Variants in FRMD5 observed in about 807,000 individuals in gnomAD.
FRMD5 encodes FERM domain-containing protein 5.
A neutral mutation model predicts 69.0 loss-of-function variants in FRMD5; 20 were observed. The ratio of observed to expected loss-of-function variants is 0.29; its 90% CI spans 0.20 to 0.42. The LOEUF (loss-of-function observed/expected upper bound fraction) is 0.42, where lower values mean the gene tolerates loss of function less well. Among genes scored for constraint, FRMD5 ranks in the 10% least tolerant of loss-of-function variants. The pLI is 1.00. For missense variants in FRMD5, 595 were observed against 708.6 expected, an observed-to-expected ratio of 0.84 and a Z score of 1.82; for synonymous variants, 271 against 260.1, an observed-to-expected ratio of 1.04 and a Z score of -0.40.
intron 1 of FRMD5, among the ~76,000 whole-genome samples, chr15:43,930,700 T>C (rs895842758): frequency 3.3e-5 from 5 of 152,244 alleles, no homozygotes; most frequent in African/African-American, 1.2e-4. Context: ...CAGATATCTC[T>C]AGGTTCAGAT....
intron 1 of FRMD5, among the ~76,000 whole-genome samples, chr15:43,960,230 A>G (rs1002211695): frequency 3.9e-5 from 6 of 152,038 alleles, no homozygotes; most frequent in African/African-American, 1.4e-4. Context: ...CTGGGACTAC[A>G]GGCGCCCACC....
At chr15:44,197,929 C>T (rs532268079), upstream of FRMD5, among the ~76,000 whole-genome samples, 1 of 151,830 alleles carries the variant, frequency 6.6e-6, no homozygotes, top group Admixed American at 6.6e-5. Flanking sequence ...AGTCTTTTTT[C>T]GAAGTATGGC....
intron 1 of FRMD5, among the ~76,000 whole-genome samples, chr15:43,931,338 T>C (rs979044981): frequency 1.3e-5 from 2 of 152,154 alleles, no homozygotes; most frequent in African/African-American, 4.8e-5. Flanking sequence ...ACTCATTGCT[T>C]TGTATTTGTG....
At chr15:43,989,957 C>T in intron 1 of FRMD5, 2 of 1,109,934 alleles carry the variant, frequency 1.8e-6, no homozygotes, top group Admixed American at 1.7e-5. Flanking sequence ...CAGGTGGTGA[C>T]AATGTCCTGC....
At chr15:43,939,265 G>C (rs1190504713) in intron 1 of FRMD5, among the ~76,000 whole-genome samples, 1 of 152,124 alleles carries the variant, frequency 6.6e-6, no homozygotes, top group Non-Finnish European at 1.5e-5. Flanking sequence ...CCCCAGATGG[G>C]GGAGCTGATG....
At chr15:44,159,288 G>C (rs542504023) in intron 1 of FRMD5, among the ~76,000 whole-genome samples, 4 of 152,072 alleles carry the variant, frequency 2.6e-5, no homozygotes, top group Non-Finnish European at 5.9e-5. Flanking sequence ...ACCACATAAG[G>C]TATCTGTGGA....
At chr15:44,111,593 C>T (rs2076796890) in intron 1 of FRMD5, among the ~76,000 whole-genome samples, 2 of 152,202 alleles carry the variant, frequency 1.3e-5, no homozygotes, top group Non-Finnish European at 2.9e-5. Context: ...TCATAACTTT[C>T]TCTCAACTCC....
intron 1 of FRMD5, among the ~76,000 whole-genome samples, chr15:44,140,255 A>T (rs1054329670): frequency 6.6e-6 from 1 of 152,154 alleles, no homozygotes; most frequent in Non-Finnish European, 1.5e-5. Context: ...ATTAGAAATC[A>T]ATAATAAAAA....
intron 5 of FRMD5, 134 bp from the exon 6 acceptor site, chr15:43,906,085 C>T (rs1390683852): frequency 2.5e-5 from 29 of 1,151,730 alleles, no homozygotes; most frequent in South Asian, 6.8e-5. Flanking sequence ...ATTCTGAGCA[C>T]GGCTGTGGGC....
chr15:43,924,438 T>C, intron 1 of FRMD5, 129 bp from the exon 2 acceptor site: 4 of 654,470 alleles, frequency 6.1e-6, no homozygotes, highest in Non-Finnish European at 1.1e-5. Flanking sequence ...TGTCCATAAC[T>C]ATGTCCTCCA....
chr15:43,973,054 G>A (rs571006303), intron 1 of FRMD5, among the ~76,000 whole-genome samples: 34 of 151,544 alleles, frequency 2.2e-4, no homozygotes, highest in Admixed American at 3.9e-4. Context: ...ACGGAGTCTC[G>A]CTCTGTCCTC....
At chr15:44,083,609 T>C (rs1894078769) in intron 1 of FRMD5, among the ~76,000 whole-genome samples, 1 of 152,062 alleles carries the variant, frequency 6.6e-6, no homozygotes. Flanking sequence ...TTTACTGTTA[T>C]TGATGTTAGA....
chr15:44,090,735 TG>T (rs1304874054), intron 1 of FRMD5, among the ~76,000 whole-genome samples: 1 of 152,184 alleles, frequency 6.6e-6, no homozygotes, highest in Non-Finnish European at 1.5e-5. Context: ...CCACTGTGCC[TG>T]GGCGAATAAC....
chr15:44,175,970 C>G (rs80219001), intron 1 of FRMD5, among the ~76,000 whole-genome samples: 1 of 152,194 alleles, frequency 6.6e-6, no homozygotes, highest in Admixed American at 6.5e-5. Flanking sequence ...CTGAATTGAT[C>G]AACAGATTCA....
At chr15:44,130,762 C>A (rs1332941877) in intron 1 of FRMD5, among the ~76,000 whole-genome samples, 1 of 152,054 alleles carries the variant, frequency 6.6e-6, no homozygotes, top group African/African-American at 2.4e-5. Context: ...TTCATTAGAA[C>A]TTCAAAGCAC....
intron 1 of FRMD5, among the ~76,000 whole-genome samples, chr15:43,978,674 C>T (rs1224640649): frequency 1.3e-5 from 2 of 152,130 alleles, no homozygotes; most frequent in Non-Finnish European, 2.9e-5. Context: ...GCCTCAGCCT[C>T]CCAAGTAGCT....
chr15:44,171,548 AT>A (rs1181207329), intron 1 of FRMD5, among the ~76,000 whole-genome samples: 3 of 151,446 alleles, frequency 2.0e-5, no homozygotes, highest in Non-Finnish European at 2.9e-5. Flanking sequence ...TTTAGAAATT[AT>A]TTTTTTTTCT....
rs141681607 is a variant in FRMD5 at position 44,156,749 on chromosome 15, T to C, written c.102+38204A>G. 3.9e-3 allele frequency among the ~76,000 whole-genome samples: 600 copies of C among 152,264 alleles called. 5 individuals carry two copies. The highest frequency in any genetic ancestry group is 0.014 in the African/African-American group (562 of 41,550). On this transcript the variant is annotated intron_variant, in intron 1 of 13. Transcript: ENST00000417257. Reference sequence around the variant, plus strand: ...TGATATGCATCTTGACTTACACCCATTATATGTTTGGTGCTGTAATACACA... The same window carrying C: ...TGATATGCATCTTGACTTACACCCACTATATGTTTGGTGCTGTAATACACA...
chr15:43,912,499 T>C (rs554871651), intron 4 of FRMD5, among the ~76,000 whole-genome samples: 1 of 152,124 alleles, frequency 6.6e-6, no homozygotes, highest in South Asian at 2.1e-4. Context: ...TTTTGCCCCT[T>C]ACTCACTGAT....
Sources: allele counts gnomAD v4.1 joint callset (sites outside exome capture counted in the v4.1 genomes callset), GRCh38; gene constraint gnomAD v4.1.1; transcripts MANE v1.5; gene names NCBI Gene and HGNC (gene_info 2026-07-23, HGNC 2026-07-21).